The following SPOCK3 variants were observed in gnomAD, a reference collection of about 807,000 sequenced individuals.
The protein encoded by SPOCK3 is testican-3.
A neutral mutation model predicts 56.6 loss-of-function variants in SPOCK3; 30 were observed. The ratio of observed to expected loss-of-function variants is 0.53; its 90% CI spans 0.40 to 0.72. The LOEUF (loss-of-function observed/expected upper bound fraction) is 0.72. SPOCK3 is among the 30% of genes least tolerant of loss of function. SPOCK3 has a pLI of 0.00. For synonymous variants in SPOCK3, 196 were observed against 183.3 expected (o/e 1.07, Z -0.56); for missense variants, 527 against 530.0 (o/e 0.99, Z 0.06).
intron 4 of SPOCK3, among the ~76,000 whole-genome samples, chr4:166,993,588 C>T (rs182498739): frequency 1.2e-4 from 18 of 152,274 alleles, no homozygotes; most frequent in African/African-American, 3.1e-4. Context: ...GCCAAAATCA[C>T]GCCCTTCCTT....
chr4:167,126,408 G>A (rs550228570), intron 2 of SPOCK3, among the ~76,000 whole-genome samples: 1 of 152,178 alleles, frequency 6.6e-6, no homozygotes, highest in African/African-American at 2.4e-5. Flanking sequence ...AAATAGCTGG[G>A]CGTGATGGTG....
intron 8 of SPOCK3, among the ~76,000 whole-genome samples, chr4:166,751,171 T>C (rs3790358): frequency 0.33 from 49,711 of 152,028 alleles, 8,327 homozygotes; most frequent in Admixed American, 0.42. Flanking sequence ...TTCATAGAAA[T>C]TACAAATATT....
intron 2 of SPOCK3, among the ~76,000 whole-genome samples, chr4:167,115,237 C>T (rs1264712438): frequency 6.6e-6 from 1 of 150,650 alleles, no homozygotes; most frequent in East Asian, 1.9e-4. Context: ...GGCTTTTATG[C>T]TAAATGTAGA....
intron 2 of SPOCK3, among the ~76,000 whole-genome samples, chr4:167,084,787 AAT>A (rs1554033574): frequency 0.074 from 5 of 68 alleles, no homozygotes; most frequent in African/African-American, 0.25. Context: ...AACCATCAAG[AAT>A]AATATTTTTA....
At chr4:167,202,937 GTTTCT>G (rs1733663075) in intron 2 of SPOCK3, among the ~76,000 whole-genome samples, 1 of 151,486 alleles carries the variant, frequency 6.6e-6, no homozygotes. Flanking sequence ...TCATTTTTAT[GTTTCT>G]TTTATTTGGT....
intron 6 of SPOCK3, among the ~76,000 whole-genome samples, chr4:166,880,681 C>A (rs1000914514): frequency 6.6e-6 from 1 of 152,152 alleles, no homozygotes; most frequent in African/African-American, 2.4e-5. Context: ...CAGGAGTTAT[C>A]ATTAATTCTC....
intron 4 of SPOCK3, among the ~76,000 whole-genome samples, chr4:166,992,586 C>T (rs1481741428): frequency 1.3e-5 from 2 of 152,116 alleles, no homozygotes; most frequent in African/African-American, 4.8e-5. Flanking sequence ...ACAGCCCTTC[C>T]TGCAATTCAG....
At chr4:166,810,805 T>C (rs1743689231) in intron 6 of SPOCK3, among the ~76,000 whole-genome samples, 1 of 151,956 alleles carries the variant, frequency 6.6e-6, no homozygotes, top group African/African-American at 2.4e-5. Flanking sequence ...GCATATAAAA[T>C]AAACTGGAGT....
At chr4:166,888,499 A>G (rs1734432989) in intron 6 of SPOCK3, among the ~76,000 whole-genome samples, 1 of 152,080 alleles carries the variant, frequency 6.6e-6, no homozygotes, top group African/African-American at 2.4e-5. Context: ...AATATTTCAA[A>G]TATAATAATG....
chr4:166,855,374 G>C (rs1730540643), intron 6 of SPOCK3, among the ~76,000 whole-genome samples: 2 of 137,372 alleles, frequency 1.5e-5, no homozygotes, highest in South Asian at 5.6e-4. Context: ...CACCTACAGA[G>C]ACAAAGCGAC....
At chr4:166,811,470 T>C (rs536839754) in intron 6 of SPOCK3, among the ~76,000 whole-genome samples, 3 of 151,820 alleles carry the variant, frequency 2.0e-5, no homozygotes, top group Non-Finnish European at 4.4e-5. Context: ...GATCTGTACA[T>C]TATTTGGTAG....
intron 3 of SPOCK3, among the ~76,000 whole-genome samples, chr4:167,009,477 T>G (rs1035196629): frequency 1.3e-5 from 2 of 152,190 alleles, no homozygotes; most frequent in African/African-American, 4.8e-5. Context: ...TAATTTATAT[T>G]ACTTTCACGG....
chr4:167,036,121 C>T (rs937035272), intron 3 of SPOCK3, among the ~76,000 whole-genome samples: 2 of 152,146 alleles, frequency 1.3e-5, no homozygotes, highest in Non-Finnish European at 2.9e-5. Flanking sequence ...ATCAGAATCT[C>T]CCTACTCATT....
chr4:167,197,922 G>A (rs1027520067), intron 2 of SPOCK3, among the ~76,000 whole-genome samples: 6 of 152,086 alleles, frequency 3.9e-5, no homozygotes, highest in Non-Finnish European at 7.4e-5. Context: ...TTCCAAAAGG[G>A]CCAACCAATG....
At chr4:166,900,877 A>G (rs1304850970) in intron 5 of SPOCK3, among the ~76,000 whole-genome samples, 2 of 152,168 alleles carry the variant, frequency 1.3e-5, no homozygotes. Flanking sequence ...GTATTCCTGG[A>G]GAGGGAACAC....
At chr4:167,148,790 ATAAAT>A (rs923818522) in intron 2 of SPOCK3, among the ~76,000 whole-genome samples, 2 of 152,144 alleles carry the variant, frequency 1.3e-5, no homozygotes, top group Admixed American at 6.6e-5. Context: ...CCAAAACTGA[ATAAAT>A]TAATTTCATA....
chr4:167,019,622 AAAG>A (rs1350837955), intron 3 of SPOCK3, among the ~76,000 whole-genome samples: 3 of 152,026 alleles, frequency 2.0e-5, no homozygotes, highest in African/African-American at 7.2e-5. Flanking sequence ...CTTAAATATA[AAAG>A]TAGTAAGCAA....
intron 2 of SPOCK3, among the ~76,000 whole-genome samples, chr4:167,216,457 A>ACT (rs1318979883): frequency 5.3e-5 from 8 of 152,114 alleles, no homozygotes; most frequent in Non-Finnish European, 1.2e-4. Context: ...TATCTACAAG[A>ACT]CTAGCCTAAG....
chr4:167,077,538 T>G (rs1300840137), intron 2 of SPOCK3, among the ~76,000 whole-genome samples: 2 of 151,872 alleles, frequency 1.3e-5, no homozygotes, highest in African/African-American at 4.8e-5. Context: ...GTGTTTTAAG[T>G]TAGAAAAAAA....
Sources: allele counts gnomAD v4.1 joint callset (sites outside exome capture counted in the v4.1 genomes callset), GRCh38; gene constraint gnomAD v4.1.1; transcripts MANE v1.5; gene names NCBI Gene and HGNC (gene_info 2026-07-23, HGNC 2026-07-21).